The following EYS variants were observed in gnomAD, a reference collection of about 807,000 sequenced individuals.
EYS encodes the protein protein eyes shut homolog.
A neutral mutation model predicts 282.1 loss-of-function variants in EYS; 250 were observed. The ratio of observed to expected loss-of-function variants is 0.89; its 90% confidence interval spans 0.80 to 0.98. The LOEUF is 0.98. EYS is among the 50% of genes least tolerant of loss of function. The pLI, the probability that EYS is intolerant of heterozygous loss-of-function variation, is 0.00. For missense variants in EYS, 4,016 were observed against 3,709.0 expected (o/e 1.08, Z -2.15); for synonymous variants, 1,355 against 1,282.9 (o/e 1.06, Z -1.20).
chr6:65,634,744 C>A (rs756721110), intron 2 of EYS, among the ~76,000 whole-genome samples: 1 of 152,150 alleles, frequency 6.6e-6, no homozygotes, highest in Admixed American at 6.5e-5. Context: ...ATATTTTTAG[C>A]AAATCTAGTC....
At chr6:64,321,312 T>C (rs1177827355) in intron 29 of EYS, among the ~76,000 whole-genome samples, 1 of 151,848 alleles carries the variant, frequency 6.6e-6, no homozygotes, top group East Asian at 1.9e-4. Context: ...GAATTCTATA[T>C]GTTACTCAGG....
At chr6:63,837,678 T>G (rs1771843645) in intron 36 of EYS, among the ~76,000 whole-genome samples, 1 of 152,158 alleles carries the variant, frequency 6.6e-6, no homozygotes, top group Non-Finnish European at 1.5e-5. Flanking sequence ...GAATTTATTG[T>G]GGTTTCAGTG....
chr6:65,263,173 T>G (rs1450291133), intron 12 of EYS, among the ~76,000 whole-genome samples: 1 of 151,700 alleles, frequency 6.6e-6, no homozygotes, highest in Non-Finnish European at 1.5e-5. Context: ...AAACCCCACC[T>G]CTATAAAAAA....
At chr6:64,658,010 G>A (rs1583006199) in intron 22 of EYS, among the ~76,000 whole-genome samples, 3 of 152,094 alleles carry the variant, frequency 2.0e-5, no homozygotes, top group Admixed American at 2.0e-4. Flanking sequence ...TGTAGATTTG[G>A]TCTTTTCACA....
intron 12 of EYS, among the ~76,000 whole-genome samples, chr6:65,078,173 C>T (rs1417690753): frequency 6.6e-6 from 1 of 152,016 alleles, no homozygotes; most frequent in Non-Finnish European, 1.5e-5. Flanking sequence ...CTATTGTATT[C>T]TAGTAGTCTC....
At chr6:65,540,492 A>C (rs1273288051) in intron 2 of EYS, among the ~76,000 whole-genome samples, 1 of 152,258 alleles carries the variant, frequency 6.6e-6, no homozygotes, top group East Asian at 1.9e-4. Flanking sequence ...AGGTAATGTT[A>C]GAAGGGAATT....
At chr6:63,886,742 T>A (rs1276989925) in intron 35 of EYS, among the ~76,000 whole-genome samples, 1 of 152,178 alleles carries the variant, frequency 6.6e-6, no homozygotes, top group Non-Finnish European at 1.5e-5. Flanking sequence ...GAGATGGCGA[T>A]ATATTATGAA....
chr6:65,489,314 A>C (rs1765934952), intron 5 of EYS: 1 of 152,254 alleles, frequency 6.6e-6, no homozygotes. Flanking sequence ...AAATGGGCGA[A>C]GGATATGAAC....
chr6:64,094,179 G>A (rs561863942), intron 31 of EYS, among the ~76,000 whole-genome samples: 7 of 152,180 alleles, frequency 4.6e-5, no homozygotes, highest in Non-Finnish European at 7.4e-5. Context: ...GAGGATTTTC[G>A]CATCGATGTT....
At chr6:64,968,412 T>C (rs1431980344) in intron 14 of EYS, among the ~76,000 whole-genome samples, 1 of 152,192 alleles carries the variant, frequency 6.6e-6, no homozygotes, top group African/African-American at 2.4e-5. Context: ...TTTCAAAATA[T>C]ATTTATATGA....
At chr6:65,261,206 G>T (rs1008906187) in intron 12 of EYS, among the ~76,000 whole-genome samples, 1 of 151,758 alleles carries the variant, frequency 6.6e-6, no homozygotes, top group Non-Finnish European at 1.5e-5. Flanking sequence ...CAAGAAAAAA[G>T]TTTAATCAAT....
intron 5 of EYS, among the ~76,000 whole-genome samples, chr6:65,435,089 T>G (rs1463901394): frequency 6.6e-6 from 1 of 151,812 alleles, no homozygotes; most frequent in Non-Finnish European, 1.5e-5. Flanking sequence ...AATAAGATAT[T>G]TTCTATCTGA....
At chr6:65,544,172 A>G (rs1768296431) in intron 2 of EYS, among the ~76,000 whole-genome samples, 2 of 152,002 alleles carry the variant, frequency 1.3e-5, no homozygotes, top group South Asian at 4.2e-4. Context: ...TGTAACTTGG[A>G]TATGGATGTT....
chr6:65,197,555 A>C (rs1243948891), intron 12 of EYS, among the ~76,000 whole-genome samples: 1 of 152,128 alleles, frequency 6.6e-6, no homozygotes, highest in African/African-American at 2.4e-5. Flanking sequence ...CATTGATGAC[A>C]TTAGATATAT....
intron 31 of EYS, among the ~76,000 whole-genome samples, chr6:64,197,566 CTT>C (rs956420611): frequency 2.0e-5 from 3 of 152,130 alleles, no homozygotes; most frequent in African/African-American, 2.4e-5. Context: ...AAATGTCTAA[CTT>C]ATCATTTTGT....
intron 12 of EYS, among the ~76,000 whole-genome samples, chr6:65,240,710 G>A (rs1562044148): frequency 6.6e-6 from 1 of 152,134 alleles, no homozygotes; most frequent in Non-Finnish European, 1.5e-5. Context: ...TTGATTCTAT[G>A]TATTTGTTGT....
chr6:64,219,729 C>T (rs1204314853), intron 31 of EYS, among the ~76,000 whole-genome samples: 2 of 152,188 alleles, frequency 1.3e-5, no homozygotes, highest in Non-Finnish European at 2.9e-5. Context: ...CGCCATTGCG[C>T]ATGTATGTTT....
chr6:64,749,053 G>A (rs942392252), intron 22 of EYS, among the ~76,000 whole-genome samples: 1 of 152,214 alleles, frequency 6.6e-6, no homozygotes, highest in Middle Eastern at 3.2e-3. Context: ...GATGACAGGC[G>A]TGAGCCACCA....
intron 2 of EYS, among the ~76,000 whole-genome samples, chr6:65,560,831 T>A (rs1023098556): frequency 6.6e-6 from 1 of 152,118 alleles, no homozygotes; most frequent in African/African-American, 2.4e-5. Context: ...TATCTTCTTA[T>A]TCTATGGGTA....
Sources: allele counts gnomAD v4.1 joint callset (sites outside exome capture counted in the v4.1 genomes callset), GRCh38; gene constraint gnomAD v4.1.1; transcripts MANE v1.5; gene names NCBI Gene and HGNC (gene_info 2026-07-23, HGNC 2026-07-21).